CNOT8: variants seen among roughly 807,000 people sequenced by gnomAD.
The protein encoded by CNOT8 is CCR4-NOT transcription complex subunit 8.
In CNOT8, 18 loss-of-function variants were observed where a neutral mutation model predicts 34.6. The observed-to-expected ratio is 0.52, with a 90% confidence interval of 0.36 to 0.77. The LOEUF (loss-of-function observed/expected upper bound fraction) is 0.77, where lower values mean the gene tolerates loss of function less well. Ranked by LOEUF, CNOT8 falls within the 30% of genes least tolerant of loss-of-function variation. The pLI is 0.00. For missense variants in CNOT8, 189 were observed against 347.9 expected (o/e 0.54, Z 3.63); for synonymous variants, 101 against 118.8 (o/e 0.85, Z 0.98).
chr5:154,861,515 C>A (rs1761335400), intron 1 of CNOT8, among the ~76,000 whole-genome samples: 1 of 152,194 alleles, frequency 6.6e-6, no homozygotes, highest in South Asian at 2.1e-4. Flanking sequence ...ATTGTTGCAT[C>A]TGCCAATCTT....
At chr5:154,869,308 G>A (rs1582606745) in intron 3 of CNOT8, among the ~76,000 whole-genome samples, 3 of 150,526 alleles carry the variant, frequency 2.0e-5, no homozygotes, top group East Asian at 2.0e-4. Context: ...TAGTAGAGAT[G>A]GGGTTTCTCC....
At chr5:154,868,263 CTTTTCTT>C (rs1440277877) in intron 3 of CNOT8, among the ~76,000 whole-genome samples, 2 of 127,258 alleles carry the variant, frequency 1.6e-5, no homozygotes, top group Non-Finnish European at 3.2e-5. Flanking sequence ...TTTTTCTTTT[CTTTTCTT>C]TTTTTTTTTT....
rs368235746 is a variant in CNOT8 at position 154,872,613 on chromosome 5, T to C, written c.691T>C (p.Ser231Pro). 2 of 1,613,572 alleles carry C rather than the reference T, an allele frequency of 1.2e-6. No individual in the cohort carries two copies. The highest frequency in any genetic ancestry group is 1.7e-6 in the Non-Finnish European group (2 of 1,179,714). Residue 231 changes from serine to proline, a missense_variant, in exon 6 of 7, where the codon TCA (serine) becomes CCA (proline). Transcript: ENST00000285896. Reference protein sequence around the residue: ...IGRQHQAGSDSLLTGMAFFRM... With the variant: ...IGRQHQAGSDPLLTGMAFFRM... ...AAGGCAGCACCAGGCAGGCTCAGAC[T>C]CACTGCTGACAGGAATGGCTTTCTT...
In CNOT8 at chr5:154,871,830, A is replaced by G. The variant is rs761744323; in HGVS notation, c.574A>G (p.Ile192Val). The part of the protein sequence containing the change: ...FHILNLFFPS[I>V]YDVKYLMKSC... Reference sequence around the variant, plus strand: ...TATTCTGAACCTTTTCTTCCCATCCATTTATGATGTGAAATACCTGATGAA... The same window carrying G: ...TATTCTGAACCTTTTCTTCCCATCCGTTTATGATGTGAAATACCTGATGAA... Residue 192 changes from isoleucine (I) to valine (V), a missense_variant, in exon 5 of 7, where the codon ATT becomes GTT. By Grantham distance (29) the Ile-to-Val change is conservative. Around this residue, in one of 2 missense-constraint regions of CNOT8, gnomAD observed 160 missense variants for 321.9 expected, o/e 0.50. Coordinates refer to ENST00000285896, the MANE Select transcript of CNOT8 (RefSeq NM_001301073.2). 6.2e-7 allele frequency: 1 copy of G among 1,613,712 alleles called. No individual in the cohort carries two copies.
chr5:154,863,652 G>GTTTT (rs1400086097), intron 2 of CNOT8, among the ~76,000 whole-genome samples: 18 of 152,182 alleles, frequency 1.2e-4, no homozygotes, highest in African/African-American at 4.1e-4. Context: ...ATTTTGAAAA[G>GTTTT]AATGGGTATG....
intron 3 of CNOT8, 185 bp from the exon 4 acceptor site, chr5:154,870,476 T>C (rs1453442218): frequency 6.6e-6 from 3 of 454,128 alleles, no homozygotes; most frequent in African/African-American, 6.0e-5. Context: ...CATTTTTCTA[T>C]CTGTCACAGA....
At chr5:154,870,387 T>G in intron 3 of CNOT8, 1 of 246,342 alleles carries the variant, frequency 4.1e-6, no homozygotes, top group African/African-American at 2.3e-5. Context: ...CCTGGTGTTA[T>G]TGGTTTTTTT....
At chr5:154,867,794 T>A in intron 3 of CNOT8, 1 of 178,812 alleles carries the variant, frequency 5.6e-6, no homozygotes, top group Non-Finnish European at 1.2e-5. Flanking sequence ...AAATACGAGG[T>A]AAAGAGAAAA....
chr5:154,874,433 A>C (rs1254759015), intron 6 of CNOT8, among the ~76,000 whole-genome samples: 1 of 151,854 alleles, frequency 6.6e-6, no homozygotes, highest in Non-Finnish European at 1.5e-5. Flanking sequence ...AAAATTAGTC[A>C]GGTGTGATGA....
chr5:154,866,390 C>T (rs1352235188), intron 3 of CNOT8, among the ~76,000 whole-genome samples: 4 of 152,072 alleles, frequency 2.6e-5, no homozygotes, highest in African/African-American at 9.7e-5. Flanking sequence ...ACAGGTGGAG[C>T]CATTGTTCCT....
Position 154,863,246 on chromosome 5 carries a change from T to G in CNOT8, c.-33T>G. 1 of 1,491,676 alleles carries G rather than the reference T, an allele frequency of 6.7e-7. No individual in the cohort carries two copies. The highest frequency in any genetic ancestry group is 9.4e-7 in the Non-Finnish European group (1 of 1,068,210). 92.4% of individuals were successfully genotyped at this position (1,491,676 alleles called of 1,614,324 possible). A position where few individuals can be genotyped will look rare whatever the true frequency, so the allele number is the denominator to read the frequency against. On this transcript the variant is annotated 5_prime_UTR_variant, in exon 2 of 7. Coordinates refer to ENST00000285896, the MANE Select transcript of CNOT8 (RefSeq NM_001301073.2). ...TGTCTGGCTTGCACTGTAAAACTAG[T>G]TAGCTGAAGACGACTTCTCAGGTTT...
At chr5:154,866,727 A>G (rs1761916090) in intron 3 of CNOT8, among the ~76,000 whole-genome samples, 1 of 152,168 alleles carries the variant, frequency 6.6e-6, no homozygotes, top group Non-Finnish European at 1.5e-5. Context: ...AGCCTGGCCA[A>G]TGTGGTGAAA....
At chr5:154,865,153 T>C in intron 2 of CNOT8, 39 bp from the exon 3 acceptor site, 1 of 1,456,722 alleles carries the variant, frequency 6.9e-7, no homozygotes, top group African/African-American at 1.4e-5. Flanking sequence ...ATCCACTGTT[T>C]TGTGAAACCT....
Position 154,872,612 on chromosome 5 carries a change from CT to C in CNOT8, c.691del (p.Ser231HisfsTer3). On this transcript the variant is annotated frameshift_variant, in exon 6 of 7. Transcript: ENST00000285896. LOFTEE classifies it high-confidence loss of function. The stretch of plus-strand genomic sequence containing the variant: ...GAAGGCAGCACCAGGCAGGCTCAGA[CT>C]CACTGCTGACAGGAATGGCTTTCTT... ...IGRQHQAGSD[S>X]LLTGMAFFRM... 6.2e-7 allele frequency: 1 copy of C among 1,613,714 alleles called. No individual in the cohort carries two copies. Among genetic ancestry groups the C allele is most frequent in the African/African-American group, 1.3e-5 (1 of 75,034 alleles).
At chr5:154,870,628 CA>C (rs1749359733) in intron 3 of CNOT8, 32 bp from the exon 4 acceptor site, 2 of 1,562,736 alleles carry the variant, frequency 1.3e-6, no homozygotes, top group Non-Finnish European at 1.8e-6. Flanking sequence ...TTTCATTATT[CA>C]CCAGTTAATA....
At position 154,875,681 on chromosome 5, in the gene CNOT8, C is replaced by T. The variant is rs1762878136; in HGVS notation, c.*242C>T. The stretch of plus-strand genomic sequence containing the variant: ...CATTCCTCATACTCGAGCCTCTCCT[C>T]TCTGGTTGCCTCCTGCCACCAGCAT... On this transcript the variant is annotated 3_prime_UTR_variant, in exon 7 of 7. Coordinates refer to ENST00000285896, the MANE Select transcript of CNOT8 (RefSeq NM_001301073.2). 1 of 400,190 alleles carries T rather than the reference C, an allele frequency of 2.5e-6. No individual in the cohort carries two copies. The highest frequency in any genetic ancestry group is 4.5e-6 in the Non-Finnish European group (1 of 223,158). 24.8% of individuals were successfully genotyped at this position (400,190 alleles called of 1,614,324 possible).
chr5:154,863,122 G>A (rs1448956508), intron 1 of CNOT8, 85 bp from the exon 2 acceptor site: 2 of 615,506 alleles, frequency 3.2e-6, no homozygotes, highest in South Asian at 1.9e-5. Flanking sequence ...TGAAGTGATT[G>A]TAAAATATTA....
At chr5:154,874,508 G>A (rs1185839333) in intron 6 of CNOT8, among the ~76,000 whole-genome samples, 2 of 151,838 alleles carry the variant, frequency 1.3e-5, no homozygotes, top group African/African-American at 2.4e-5. Flanking sequence ...CCTGGGAGGC[G>A]GAGGTTGCAG....
intron 3 of CNOT8, among the ~76,000 whole-genome samples, chr5:154,868,358 T>C (rs1246771642): frequency 5.7e-5 from 8 of 139,802 alleles, no homozygotes; most frequent in African/African-American, 2.2e-4. Flanking sequence ...AACCTCCACC[T>C]CCCAGGTTCA....
Sources: allele counts gnomAD v4.1 joint callset (sites outside exome capture counted in the v4.1 genomes callset), GRCh38; gene constraint gnomAD v4.1.1; regional missense constraint gnomAD v4.1.1; transcripts MANE v1.5; gene names NCBI Gene and HGNC (gene_info 2026-07-23, HGNC 2026-07-21).